The following MAU2 variants were observed in gnomAD, a reference collection of about 807,000 sequenced individuals.
The protein encoded by MAU2 is MAU2 chromatid cohesion factor homolog.
In MAU2, 9 loss-of-function variants were observed where a neutral mutation model predicts 89.1. The observed-to-expected ratio is 0.10, with a 90% confidence interval of 0.06 to 0.18. MAU2 has a LOEUF of 0.18. MAU2 is among the 10% of genes least tolerant of loss of function. The pLI is 1.00. For missense variants in MAU2, 425 were observed against 803.5 expected (o/e 0.53, Z 5.69); for synonymous variants, 357 against 343.4 (o/e 1.04, Z -0.44).
chr19:19,356,208 T>C lies in MAU2; in HGVS notation c.*426T>C. On this transcript the variant is annotated 3_prime_UTR_variant, in exon 19 of 19. Coordinates refer to ENST00000262815, the MANE Select transcript of MAU2 (RefSeq NM_015329.4). ...CCGAGCGGGAGTAGAGTGTTTCCTC[T>C]GCTCAAGGCAATTTCCAGAGCCCGG... The C allele has an allele frequency of 5.5e-6, 2 of 364,004 alleles. No individual in the cohort carries two copies. The highest frequency in any genetic ancestry group is 1.1e-5 in the Non-Finnish European group (2 of 183,906). 22.5% of individuals were successfully genotyped at this position (364,004 alleles called of 1,614,324 possible). A position where few individuals can be genotyped will look rare whatever the true frequency, so the allele number is the denominator to read the frequency against.
At chr19:19,340,684 A>G (rs149143615) in intron 5 of MAU2, among the ~76,000 whole-genome samples, 162 bp from the exon 6 acceptor site, 1 of 152,158 alleles carries the variant, frequency 6.6e-6, no homozygotes, top group African/African-American at 2.4e-5. Context: ...CACAGACACA[A>G]TAGGATAAAA....
intron 5 of MAU2, among the ~76,000 whole-genome samples, chr19:19,340,290 A>G (rs1375244214): frequency 1.3e-5 from 2 of 151,134 alleles, no homozygotes; most frequent in Non-Finnish European, 3.0e-5. Flanking sequence ...TCGAGATCAC[A>G]CCATTGCACT....
chr19:19,347,247 C>T (rs1231138512), intron 12 of MAU2, 33 bp from the exon 13 acceptor site: 3 of 1,495,574 alleles, frequency 2.0e-6, no homozygotes, highest in African/African-American at 1.4e-5. Context: ...AGCACCCGAC[C>T]CAGCCCCCTA....
intron 5 of MAU2, 24 bp from the exon 6 acceptor site, chr19:19,340,822 T>A (rs748704753): frequency 6.2e-7 from 1 of 1,613,024 alleles, no homozygotes; most frequent in Non-Finnish European, 8.5e-7. Context: ...TGCTAGGACC[T>A]GACCCCTGCC....
In MAU2 at chr19:19,355,688, A is replaced by G. The variant is rs940804562; in HGVS notation, c.1768-20A>G. ...GAACGGTCCACAGTGCCTCACTCGC[A>G]TGTCCTCTCCTCCCCACAGTGGACA... On this transcript the variant is annotated intron_variant, in intron 18 of 18. Coordinates refer to ENST00000262815, the MANE Select transcript of MAU2 (RefSeq NM_015329.4). The G allele has an allele frequency of 1.3e-6, 2 of 1,598,436 alleles. No individual in the cohort carries two copies. The highest frequency in any genetic ancestry group is 2.7e-5 in the African/African-American group (2 of 74,634).
At chr19:19,335,454 CTCCA>C (rs1599901649) in intron 1 of MAU2, among the ~76,000 whole-genome samples, 1 of 152,214 alleles carries the variant, frequency 6.6e-6, no homozygotes, top group East Asian at 1.9e-4. Context: ...TGGGGTCTGA[CTCCA>C]AGTGCGAGCC....
intron 1 of MAU2, among the ~76,000 whole-genome samples, chr19:19,325,572 C>T (rs190367803): frequency 3.3e-4 from 50 of 152,290 alleles, no homozygotes; most frequent in Admixed American, 1.4e-3. Context: ...CTCCACCTCC[C>T]GGGTTCAAAC....
In MAU2 at chr19:19,336,054, C is replaced by G. The variant is rs2061593940; in HGVS notation, c.295-68C>G. On this transcript the variant is annotated intron_variant, in intron 2 of 18. Coordinates refer to ENST00000262815, the MANE Select transcript of MAU2 (RefSeq NM_015329.4). ...TGCAGACCTTGGCAGGGTAGGAGCC[C>G]CAAGCTGTGGCCCTTTCAAACCGAC... is the stretch of plus-strand genomic sequence containing the variant. The G allele has an allele frequency of 3.5e-6, 4 of 1,156,656 alleles. No individual in the cohort carries two copies. The South Asian group carries it at 3.7e-5, about 11-fold the overall frequency. The allele number at this position is 1,156,656 out of a possible 1,614,324, so 71.6% of individuals were successfully genotyped here.
At chr19:19,344,710 GTGTCTGCTGGGGCTT>G (rs932584356) in intron 10 of MAU2, 124 bp from the exon 11 acceptor site, 58 of 672,316 alleles carry the variant, frequency 8.6e-5, no homozygotes, top group Non-Finnish European at 1.5e-4. Context: ...CATGGTGGAC[GTGTCTGCTGGGGCTT>G]TGTACCCCAG....
chr19:19,338,761 T>G, intron 4 of MAU2, 84 bp from the exon 5 acceptor site: 2 of 1,005,886 alleles, frequency 2.0e-6, no homozygotes, highest in Non-Finnish European at 3.0e-6. Flanking sequence ...GAGGTTTGGT[T>G]GAGTTTGCTA....
chr19:19,341,314 C>T lies in MAU2; in HGVS notation c.642C>T (p.Ile214=), dbSNP rs754711942. 5.6e-6 allele frequency: 9 copies of T among 1,613,342 alleles called. No individual in the cohort carries two copies. Among genetic ancestry groups the T allele is most frequent in the Non-Finnish European group, 6.8e-6 (8 of 1,180,018 alleles). The part of the protein sequence containing the change: ...VHPLLTLCGQ[I]VENWQGNPIQ... ...CGCTGCTGACCCTCTGCGGGCAGAT[C>T]GTGGAGAACTGGCAGGGGAACCCCA... Residue 214 remains isoleucine (I), a synonymous_variant, in exon 7 of 19, where the codon ATC becomes ATT. Transcript: ENST00000262815.
At position 19,338,886 on chromosome 19, in the gene MAU2, C is replaced by T. The variant is rs377473235; in HGVS notation, c.498C>T (p.Asp166=). The part of the protein sequence containing the change: ...TLEKDLVSAC[D]LLGVGAEYAR... ...AGAAGGACCTGGTGTCGGCCTGTGA[C>T]CTCCTGGGTGTAGGGGCCGAGTACG... The change falls in exon 5 of 19, where the codon GAC becomes GAT. Residue 166 remains aspartate (D), a synonymous_variant. Transcript: ENST00000262815. The T allele has an allele frequency of 1.4e-5, 22 of 1,613,678 alleles. No homozygotes were observed. Among genetic ancestry groups the T allele is most frequent in the Non-Finnish European group, 5.9e-6 (7 of 1,179,954 alleles).
chr19:19,347,333 G>T lies in MAU2; in HGVS notation c.1275G>T (p.Val425=). The change falls in exon 13 of 19, where the codon GTG becomes GTT. Residue 425 remains valine, a synonymous_variant. Transcript: ENST00000262815. Reference sequence around the variant, plus strand: ...TCATCGTCACCAACCTGGCGAGTGTGTATATACGGGAAGGAAATAGACACC... The same window carrying T: ...TCATCGTCACCAACCTGGCGAGTGTTTATATACGGGAAGGAAATAGACACC... The part of the protein sequence containing the change: ...WAFIVTNLAS[V]YIREGNRHQE... 6.2e-7 allele frequency: 1 copy of T among 1,613,884 alleles called. No homozygotes were observed. Among genetic ancestry groups the T allele is most frequent in the Non-Finnish European group, 8.5e-7 (1 of 1,179,928 alleles).
rs774508845 is a variant in MAU2, at chr19:19,321,041, A to G, written c.182A>G (p.Gln61Arg). 1 of 1,612,886 alleles carries G rather than the reference A, an allele frequency of 6.2e-7. No homozygotes were observed. The highest frequency in any genetic ancestry group is 2.2e-5 in the East Asian group (1 of 44,840). Residue 61 changes from glutamine to arginine, a missense_variant, in exon 1 of 19, where the codon CAG (glutamine) becomes CGG (arginine). Transcript: ENST00000262815. ...LQAVFPFKPP[Q>R]RIEARTHLQL... Reference sequence around the variant, plus strand: ...GCCGTGTTCCCCTTCAAGCCGCCGCAGCGCATCGAGGCCCGTACACACCTG... The same window carrying G: ...GCCGTGTTCCCCTTCAAGCCGCCGCGGCGCATCGAGGCCCGTACACACCTG...
rs896722034 is a variant in MAU2, at chr19:19,356,899, G to A, written c.*1117G>A. On this transcript the variant is annotated 3_prime_UTR_variant, in exon 19 of 19. Transcript: ENST00000262815. ...CAGTGGTCACAGTGTGGCATTCCGAGTTGGGGCGGGTGGTCGGGTCAAGAT... is the reference window on the plus strand; with the variant it reads ...CAGTGGTCACAGTGTGGCATTCCGAATTGGGGCGGGTGGTCGGGTCAAGAT... 3 of 152,256 alleles carry A rather than the reference G, an allele frequency of 2.0e-5. No homozygotes were observed. In the South Asian group the frequency reaches 6.2e-4, roughly 32 times the overall value. The allele number at this position is 152,256 out of a possible 1,614,324, so 9.4% of individuals were successfully genotyped here.
rs901196437 is a variant in MAU2, at chr19:19,327,035, C to T, written c.276+5900C>T. Among the ~76,000 whole-genome samples, 6 of 150,894 alleles carry T rather than the reference C, an allele frequency of 4.0e-5. No homozygotes were observed. The South Asian group carries it at 1.3e-3, about 32-fold the overall frequency. Reference sequence around the variant, plus strand: ...CTGTGTTGCCCAGGCTGGTCTTAAACTCCGGGCCTCAAGCAATCACCTGCC... The same window carrying T: ...CTGTGTTGCCCAGGCTGGTCTTAAATTCCGGGCCTCAAGCAATCACCTGCC... On this transcript the variant is annotated intron_variant, in intron 1 of 18. Transcript: ENST00000262815.
chr19:19,340,341 TA>T (rs968954522), intron 5 of MAU2, among the ~76,000 whole-genome samples: 5 of 131,334 alleles, frequency 3.8e-5, no homozygotes, highest in Non-Finnish European at 8.2e-5. Context: ...AAAAAAATAA[TA>T]AAAAAAATAA....
At chr19:19,333,292 CTG>C (rs2146669478) in intron 1 of MAU2, among the ~76,000 whole-genome samples, 1 of 152,292 alleles carries the variant, frequency 6.6e-6, no homozygotes, top group Admixed American at 6.5e-5. Flanking sequence ...CGAGACCAGT[CTG>C]GGCGGCGTAG....
At position 19,356,009 on chromosome 19, in the gene MAU2, T is replaced by C. The variant is rs757770563; in HGVS notation, c.*227T>C. On this transcript the variant is annotated 3_prime_UTR_variant, in exon 19 of 19. Coordinates refer to ENST00000262815, the MANE Select transcript of MAU2 (RefSeq NM_015329.4). ...AGGCTCACAGGTGGCACACAGGCGC[T>C]GTCTCTCCAGAGCCATCCTTCAGAG... 1.5e-6 allele frequency: 1 copy of C among 664,728 alleles called. No individual in the cohort carries two copies. Among genetic ancestry groups the C allele is most frequent in the South Asian group, 1.5e-5 (1 of 66,416 alleles). 41.2% of individuals were successfully genotyped at this position (664,728 alleles called of 1,614,324 possible).
Sources: gnomAD v4.1 joint callset for allele counts (sites outside exome capture counted in the v4.1 genomes callset) on GRCh38, gnomAD v4.1.1 for gene constraint, MANE v1.5 for transcripts, NCBI Gene and HGNC (gene_info 2026-07-23, HGNC 2026-07-21) for gene names.